RPH3A: variants seen among roughly 807,000 people sequenced by gnomAD.
RPH3A encodes rabphilin-3A.
RPH3A carries 48 observed loss-of-function variants against 102.2 expected under a neutral mutation model. The observed-to-expected ratio is 0.47, with a 90% CI of 0.37 to 0.60. RPH3A has a LOEUF of 0.60. Among genes scored for constraint, RPH3A ranks in the 20% least tolerant of loss-of-function variants. The pLI is 0.00. For missense variants in RPH3A, 781 were observed against 910.1 expected (o/e 0.86, Z 1.83); for synonymous variants, 310 against 324.3 (o/e 0.96, Z 0.47).
chr12:112,751,462 C>T (rs1198937875), intron 1 of RPH3A, among the ~76,000 whole-genome samples: 1 of 152,156 alleles, frequency 6.6e-6, no homozygotes, highest in Admixed American at 6.5e-5. Flanking sequence ...AAAATACCAG[C>T]CTTATAGTAT....
At chr12:112,622,057 T>C (rs987845094) in intron 1 of RPH3A, among the ~76,000 whole-genome samples, 3 of 150,062 alleles carry the variant, frequency 2.0e-5, no homozygotes, top group Admixed American at 6.6e-5. Flanking sequence ...AACCCATCTG[T>C]ACATCACCAT....
In RPH3A at chr12:112,767,580, A is replaced by G. The variant is rs532353311; in HGVS notation, c.-139-24563A>G. Among the ~76,000 whole-genome samples, 6 of 152,338 alleles carry G rather than the reference A, an allele frequency of 3.9e-5. 2 individuals carry two copies. Among genetic ancestry groups the G allele is most frequent in the African/African-American group, 1.4e-4 (6 of 41,574 alleles). On this transcript the variant is annotated intron_variant, in intron 1 of 21. Coordinates refer to the RPH3A transcript ENST00000543106. ...GCCACTATTCAATAAGGCAGTTAAC[A>G]AAACAGTCCAGTGGGCTAGCACTGC...
intron 19 of RPH3A, 76 bp downstream of exon 19, chr12:112,891,079 T>C (rs1158349873): frequency 1.3e-6 from 2 of 1,541,658 alleles, no homozygotes. Context: ...CCAGACAGTT[T>C]CACCAAGATC....
intron 1 of RPH3A, among the ~76,000 whole-genome samples, chr12:112,602,263 C>T (rs2039564700): frequency 6.6e-6 from 1 of 152,184 alleles, no homozygotes. Context: ...ATTCCTTCCA[C>T]TCCTTCATGG....
chr12:112,882,366 C>T (rs888783035), intron 15 of RPH3A, among the ~76,000 whole-genome samples: 4 of 152,102 alleles, frequency 2.6e-5, no homozygotes, highest in Non-Finnish European at 5.9e-5. Context: ...TGGGGATTGG[C>T]CTACCCAGAG....
chr12:112,664,522 T>C (rs962699743), intron 1 of RPH3A, among the ~76,000 whole-genome samples: 2 of 152,132 alleles, frequency 1.3e-5, no homozygotes, highest in South Asian at 2.1e-4. Flanking sequence ...AAATCTCCTA[T>C]ATATAGTTTA....
intron 10 of RPH3A, 60 bp from the exon 11 acceptor site, chr12:112,875,024 C>A: frequency 6.9e-7 from 1 of 1,441,682 alleles, no homozygotes; most frequent in Non-Finnish European, 9.5e-7. Flanking sequence ...TCCCAAGCTC[C>A]TTCCTGCTGT....
intron 2 of RPH3A, among the ~76,000 whole-genome samples, chr12:112,827,466 G>C (rs1299753961): frequency 6.6e-6 from 1 of 152,142 alleles, no homozygotes; most frequent in Non-Finnish European, 1.5e-5. Flanking sequence ...TGAATACTGG[G>C]CTGTTTCTAC....
At chr12:112,742,436 A>G (rs2040716015) in intron 1 of RPH3A, among the ~76,000 whole-genome samples, 1 of 152,080 alleles carries the variant, frequency 6.6e-6, no homozygotes, top group Non-Finnish European at 1.5e-5. Flanking sequence ...ATGTAGGGAC[A>G]AGACTGTTCT....
At chr12:112,748,309 G>A (rs936522185) in intron 1 of RPH3A, among the ~76,000 whole-genome samples, 1 of 151,976 alleles carries the variant, frequency 6.6e-6, no homozygotes, top group Non-Finnish European at 1.5e-5. Context: ...ACATCCTAAT[G>A]TTTGGCTTCC....
intron 1 of RPH3A, among the ~76,000 whole-genome samples, chr12:112,764,981 A>G (rs2040878263): frequency 6.6e-6 from 1 of 152,220 alleles, no homozygotes; most frequent in Non-Finnish European, 1.5e-5. Flanking sequence ...TCAAACTATT[A>G]GGAGCAAGCT....
chr12:112,806,636 A>T (rs1029686527), intron 2 of RPH3A, among the ~76,000 whole-genome samples: 1 of 135,458 alleles, frequency 7.4e-6, no homozygotes, highest in Non-Finnish European at 1.5e-5. Context: ...CTCAAAAATT[A>T]AAAAAAAAAC....
intron 1 of RPH3A, among the ~76,000 whole-genome samples, chr12:112,722,098 A>G (rs1228144798): frequency 6.6e-6 from 1 of 152,186 alleles, no homozygotes; most frequent in East Asian, 1.9e-4. Flanking sequence ...ACTCCTCCTC[A>G]TTTACAGAGG....
At chr12:112,786,741 G>A (rs2041054526) in intron 1 of RPH3A, among the ~76,000 whole-genome samples, 1 of 152,096 alleles carries the variant, frequency 6.6e-6, no homozygotes, top group East Asian at 1.9e-4. Context: ...TCCTAAAGCC[G>A]ATTTGCTATG....
intron 4 of RPH3A, among the ~76,000 whole-genome samples, chr12:112,843,813 G>A (rs1193820489): frequency 6.6e-6 from 1 of 152,174 alleles, no homozygotes; most frequent in African/African-American, 2.4e-5. Flanking sequence ...TTAGGGGCAG[G>A]TGAAGTGTCC....
At chr12:112,648,126 G>A (rs1285854220) in intron 1 of RPH3A, among the ~76,000 whole-genome samples, 3 of 152,068 alleles carry the variant, frequency 2.0e-5, no homozygotes, top group East Asian at 3.9e-4. Flanking sequence ...CACTGTTAAT[G>A]TTTTAGTGTA....
At chr12:112,649,266 T>A (rs577358636) in intron 1 of RPH3A, 1 of 152,384 alleles carries the variant, frequency 6.6e-6, no homozygotes, top group East Asian at 1.9e-4. Flanking sequence ...TGGAGAGTAA[T>A]GAGATTTTCT....
intron 10 of RPH3A, among the ~76,000 whole-genome samples, chr12:112,872,849 T>C (rs1426440105): frequency 6.6e-6 from 1 of 152,208 alleles, no homozygotes; most frequent in African/African-American, 2.4e-5. Flanking sequence ...ATTCGTCTTG[T>C]CTAGCTTCTA....
intron 1 of RPH3A, among the ~76,000 whole-genome samples, chr12:112,724,573 G>A (rs2040574127): frequency 6.6e-6 from 1 of 152,198 alleles, no homozygotes; most frequent in South Asian, 2.1e-4. Flanking sequence ...GATATCAAAT[G>A]CTTATTTATA....
Sources: gnomAD v4.1 joint callset for allele counts (sites outside exome capture counted in the v4.1 genomes callset) on GRCh38, gnomAD v4.1.1 for gene constraint, MANE v1.5 for transcripts, NCBI Gene and HGNC (gene_info 2026-07-23, HGNC 2026-07-21) for gene names.